DLGAP1: variants seen among roughly 807,000 people sequenced by gnomAD.
DLGAP1 encodes the protein disks large-associated protein 1.
A neutral mutation model predicts 90.8 loss-of-function variants in DLGAP1; 11 were observed. That is an observed-to-expected ratio of 0.12 (90% CI 0.08 to 0.20). DLGAP1 has a LOEUF of 0.20. Among genes scored for constraint, DLGAP1 ranks in the 10% least tolerant of loss-of-function variants. The pLI is 1.00. For missense variants in DLGAP1, 1,050 were observed against 1,333.8 expected, an observed-to-expected ratio of 0.79 and a Z score of 3.31; for synonymous variants, 558 against 540.7, an observed-to-expected ratio of 1.03 and a Z score of -0.44.
At chr18:4,034,093 G>A (rs1383359337) in intron 2 of DLGAP1, among the ~76,000 whole-genome samples, 1 of 140,164 alleles carries the variant, frequency 7.1e-6, no homozygotes, top group African/African-American at 2.7e-5. Context: ...CCAGGCTGGA[G>A]TGCAGTGGCG....
Position 3,565,562 on chromosome 18 carries a change from G to A in DLGAP1, c.2057+1928C>T, listed in dbSNP as rs1173999953. On this transcript the variant is annotated intron_variant, in intron 9 of 12. Transcript: ENST00000315677. This position sits in a 1 kb window ranked among gnomAD's most constrained non-coding sequence, Gnocchi z 4.0. ...TTAAAGCAATGATTACCGGCCCAGCGCGGTGGCTCACGCCTGTAATCCCAG... is the reference window on the plus strand; with the variant it reads ...TTAAAGCAATGATTACCGGCCCAGCACGGTGGCTCACGCCTGTAATCCCAG... Among the ~76,000 whole-genome samples, 1 of 152,182 alleles carries A rather than the reference G, an allele frequency of 6.6e-6. No individual in the cohort carries two copies. Among genetic ancestry groups the A allele is most frequent in the Admixed American group, 6.5e-5 (1 of 15,300 alleles).
chr18:3,609,462 G>C (rs758745086), intron 7 of DLGAP1, among the ~76,000 whole-genome samples: 27 of 152,168 alleles, frequency 1.8e-4, no homozygotes, highest in Non-Finnish European at 3.5e-4. Flanking sequence ...TGAACCTAGC[G>C]ATGGGTGTGG....
chr18:3,746,023 G>A (rs541795254), intron 5 of DLGAP1, among the ~76,000 whole-genome samples: 3 of 152,188 alleles, frequency 2.0e-5, no homozygotes, highest in East Asian at 1.9e-4. Flanking sequence ...GATGAAAATG[G>A]GTCATGTTAG....
chr18:3,824,859 C>T (rs2067622840), intron 4 of DLGAP1, among the ~76,000 whole-genome samples: 2 of 152,220 alleles, frequency 1.3e-5, no homozygotes, highest in South Asian at 4.1e-4. Flanking sequence ...TGAATCCCAT[C>T]CATTCTAATG....
chr18:4,077,218 A>AT (rs1391409061), intron 2 of DLGAP1, among the ~76,000 whole-genome samples: 5 of 152,312 alleles, frequency 3.3e-5, no homozygotes, highest in African/African-American at 9.6e-5. Context: ...ATACCCAGTG[A>AT]TTTTTTTGGT....
At chr18:3,833,718 G>A (rs562119663) in intron 4 of DLGAP1, among the ~76,000 whole-genome samples, 1 of 152,218 alleles carries the variant, frequency 6.6e-6, no homozygotes, top group African/African-American at 2.4e-5. Flanking sequence ...ATTTCCTTTT[G>A]GAGCATTCTC....
intron 9 of DLGAP1, among the ~76,000 whole-genome samples, chr18:3,564,864 A>C (rs1033896156): frequency 1.3e-5 from 2 of 152,176 alleles, no homozygotes; most frequent in African/African-American, 4.8e-5. Context: ...CCCTTCTCTA[A>C]GAGATATACA....
chr18:3,512,728 C>T (rs1035602893), intron 10 of DLGAP1, among the ~76,000 whole-genome samples: 56 of 152,336 alleles, frequency 3.7e-4, no homozygotes, highest in African/African-American at 1.1e-3. Flanking sequence ...TTCTTCCCCA[C>T]GGACATCTGC....
intron 4 of DLGAP1, among the ~76,000 whole-genome samples, chr18:3,849,673 T>G (rs1365698956): frequency 6.6e-6 from 1 of 152,180 alleles, no homozygotes; most frequent in African/African-American, 2.4e-5. Context: ...CTTACCATGG[T>G]AGTAAACTGA....
chr18:3,693,570 C>T (rs2060974306), intron 7 of DLGAP1, among the ~76,000 whole-genome samples: 1 of 152,204 alleles, frequency 6.6e-6, no homozygotes, highest in African/African-American at 2.4e-5. Flanking sequence ...GGTACAGCTT[C>T]CTGCTGAAGA....
rs35152199 is a variant in DLGAP1, at chr18:4,440,120, CAAAAAAAA to C, written c.-267+14878_-267+14885del. 2.0e-4 allele frequency among the ~76,000 whole-genome samples: 10 copies of C among 49,356 alleles called. No individual in the cohort carries two copies. In the Admixed American group the frequency reaches 3.0e-3, roughly 15 times the overall value. The allele number at this position is 49,356 out of a possible 152,430, so 32.4% of individuals were successfully genotyped here. ...GGGTGACAGAGTGAGACTCCGTCAC[CAAAAAAAA>C]AAAAAAAAAAAAAAAATAGAGAGAG... On this transcript the variant is annotated intron_variant, in intron 1 of 12. Transcript: ENST00000315677.
rs1024896833 is a variant in DLGAP1 at position 3,635,408 on chromosome 18, G to A, written c.1592-53160C>T. 2.0e-5 allele frequency among the ~76,000 whole-genome samples: 3 copies of A among 151,490 alleles called. No homozygotes were observed. In the Admixed American group the frequency reaches 2.0e-4, roughly 10 times the overall value. On this transcript the variant is annotated intron_variant, in intron 7 of 12. Transcript: ENST00000315677. Reference sequence around the variant, plus strand: ...ACCTCCTCGGCCTCCCAAAGTGCTGGGATTACAGGCGTGAGCCACCGCGCC... The same window carrying A: ...ACCTCCTCGGCCTCCCAAAGTGCTGAGATTACAGGCGTGAGCCACCGCGCC...
At chr18:3,934,833 C>T (rs1382051952) in intron 3 of DLGAP1, among the ~76,000 whole-genome samples, 2 of 152,318 alleles carry the variant, frequency 1.3e-5, no homozygotes, top group Non-Finnish European at 2.9e-5. Context: ...GCAGTGACTA[C>T]ACAAGTCTGG....
intron 5 of DLGAP1, among the ~76,000 whole-genome samples, chr18:3,794,274 G>C (rs958105821): frequency 6.6e-6 from 1 of 152,198 alleles, no homozygotes; most frequent in Non-Finnish European, 1.5e-5. Context: ...ACAGCTTGGA[G>C]GTCAGTGATG....
intron 1 of DLGAP1, among the ~76,000 whole-genome samples, chr18:4,330,650 GT>G (rs903858150): frequency 1.3e-5 from 2 of 151,530 alleles, no homozygotes; most frequent in Admixed American, 6.6e-5. Flanking sequence ...GTGTTCTTTT[GT>G]TTTTAAATAG....
intron 5 of DLGAP1, among the ~76,000 whole-genome samples, chr18:3,762,579 C>A (rs567250260): frequency 7.9e-5 from 12 of 152,200 alleles, no homozygotes; most frequent in African/African-American, 2.6e-4. Flanking sequence ...ATTCTAAGAG[C>A]AACTAAAGAG....
chr18:3,967,632 T>C (rs1034287585), intron 3 of DLGAP1, among the ~76,000 whole-genome samples: 2 of 152,192 alleles, frequency 1.3e-5, no homozygotes, highest in African/African-American at 2.4e-5. Context: ...TTAAACATTA[T>C]AGTCTCTAAA....
intron 12 of DLGAP1, among the ~76,000 whole-genome samples, chr18:3,501,914 C>T (rs902767072): frequency 3.4e-5 from 5 of 146,318 alleles, no homozygotes; most frequent in African/African-American, 1.3e-4. Flanking sequence ...GAGCAATATT[C>T]CCCAAGGCAA....
chr18:4,441,899 C>T (rs2083543781), intron 1 of DLGAP1, among the ~76,000 whole-genome samples: 1 of 152,224 alleles, frequency 6.6e-6, no homozygotes, highest in African/African-American at 2.4e-5. Flanking sequence ...GAATATAGAG[C>T]CTAGCGCTAA....
Sources: gnomAD v4.1 joint callset for allele counts (sites outside exome capture counted in the v4.1 genomes callset) on GRCh38, gnomAD v4.1.1 for gene constraint, Gnocchi (gnomAD v3.1) non-coding constraint, MANE v1.5 for transcripts, NCBI Gene and HGNC (gene_info 2026-07-23, HGNC 2026-07-21) for gene names.